The following GUCY1A1 variants were observed in gnomAD, a reference collection of about 807,000 sequenced individuals.
GUCY1A1 encodes guanylate cyclase 1 soluble subunit alpha 1.
Under a neutral mutation model 64.5 loss-of-function variants are expected in GUCY1A1, and 48 were observed. The ratio of observed to expected loss-of-function variants is 0.74; its 90% CI spans 0.59 to 0.95. GUCY1A1 has a LOEUF of 0.95. GUCY1A1 is among the 40% of genes least tolerant of loss of function. The pLI, the probability that GUCY1A1 is intolerant of heterozygous loss-of-function variation, is 0.00. For missense variants in GUCY1A1, 804 were observed against 825.3 expected, an observed-to-expected ratio of 0.97 and a Z score of 0.32; for synonymous variants, 308 against 303.4, an observed-to-expected ratio of 1.02 and a Z score of -0.16.
intron 8 of GUCY1A1, among the ~76,000 whole-genome samples, chr4:155,718,776 C>T (rs540995044): frequency 5.9e-5 from 9 of 152,226 alleles, no homozygotes; most frequent in South Asian, 4.1e-4. Flanking sequence ...GAAGACACAC[C>T]GCAACACTTC....
At chr4:155,703,803 T>C (rs1006771725) in intron 3 of GUCY1A1, 129 bp from the exon 4 acceptor site, 2 of 628,650 alleles carry the variant, frequency 3.2e-6, no homozygotes, top group Non-Finnish European at 5.7e-6. Flanking sequence ...TCATAACATT[T>C]ATCATTCAAG....
chr4:155,700,967 T>C (rs1432094258), intron 3 of GUCY1A1, among the ~76,000 whole-genome samples: 7 of 152,202 alleles, frequency 4.6e-5, no homozygotes, highest in Admixed American at 1.3e-4. Context: ...AAGTGGTTGA[T>C]TTTATGTTAT....
At chr4:155,669,819 G>A (rs558418582) in intron 2 of GUCY1A1, among the ~76,000 whole-genome samples, 69 of 152,178 alleles carry the variant, frequency 4.5e-4, no homozygotes, top group African/African-American at 1.6e-3. Context: ...CTATACAAGG[G>A]AAATTAAATC....
chr4:155,699,637 A>G (rs796499217), intron 3 of GUCY1A1, among the ~76,000 whole-genome samples: 64 of 152,318 alleles, frequency 4.2e-4, no homozygotes, highest in African/African-American at 1.5e-3. Context: ...TGAGCTGTGT[A>G]GTCCTCAATC....
chr4:155,711,011 C>T lies in GUCY1A1; in HGVS notation c.846C>T (p.Phe282=), dbSNP rs1342701917. The T allele has an allele frequency of 6.2e-7, 1 of 1,613,960 alleles. No homozygotes were observed. The highest frequency in any genetic ancestry group is 2.2e-5 in the East Asian group (1 of 44,876). The change falls in exon 6 of 10, where the codon TTC becomes TTT. Residue 282 remains phenylalanine, a synonymous_variant. Coordinates refer to ENST00000506455, the MANE Select transcript of GUCY1A1 (RefSeq NM_001130682.3). The part of the protein sequence containing the change: ...QSSLVIPTSL[F]CKTFPFHFMF... ...CGCTGGTGATTCCCACATCGCTATT[C>T]TGCAAGACATTTCCATTCCATTTCA...
Position 155,688,067 on chromosome 4 carries a change from C to CA in GUCY1A1, c.-112-8678dup, listed in dbSNP as rs937238185. Among the ~76,000 whole-genome samples the CA allele has an allele frequency of 2.7e-3, 398 of 144,868 alleles. 1 individual carries two copies. The highest frequency in any genetic ancestry group is 7.5e-3 in the African/African-American group (299 of 39,682). On this transcript the variant is annotated intron_variant, in intron 2 of 9. Transcript: ENST00000506455. ...TGAAACCCCGTCTCTACTAAAAATA[C>CA]AAAAAAAAAAATTAGCCTGGCGTGG...
intron 9 of GUCY1A1, among the ~76,000 whole-genome samples, chr4:155,725,569 T>A (rs1019732883): frequency 6.6e-6 from 1 of 152,138 alleles, no homozygotes; most frequent in African/African-American, 2.4e-5. Flanking sequence ...AACTGCTACA[T>A]ATAAAAAGCA....
rs1195232364 is a variant in GUCY1A1, at chr4:155,731,059, A to G, written c.*828A>G. ...TTATATCTTCTATTAAAATGCAGTA[A>G]TACTATTCAAATCTAATTTAGCTGG... is the stretch of plus-strand genomic sequence containing the variant. On this transcript the variant is annotated 3_prime_UTR_variant, in exon 10 of 10. Transcript: ENST00000506455. 1 of 153,308 alleles carries G rather than the reference A, an allele frequency of 6.5e-6. No individual in the cohort carries two copies. The highest frequency in any genetic ancestry group is 1.5e-5 in the Non-Finnish European group (1 of 67,840). The allele number at this position is 153,308 out of a possible 1,614,324, so 9.5% of individuals were successfully genotyped here. A position where few individuals can be genotyped will look rare whatever the true frequency, so the allele number is the denominator to read the frequency against.
chr4:155,729,838 A>G (rs1302410651), intron 9 of GUCY1A1, among the ~76,000 whole-genome samples, 192 bp from the exon 10 acceptor site: 2 of 151,704 alleles, frequency 1.3e-5, no homozygotes, highest in Non-Finnish European at 2.9e-5. Context: ...AATTGACACA[A>G]TTTTCTTGTT....
At chr4:155,668,302 T>A (rs1032423108) in intron 2 of GUCY1A1, 2 of 152,282 alleles carry the variant, frequency 1.3e-5, no homozygotes, top group African/African-American at 4.8e-5. Flanking sequence ...ATAAACAGTT[T>A]ACATCTTCTG....
At chr4:155,679,688 C>T (rs1373880744) in intron 2 of GUCY1A1, among the ~76,000 whole-genome samples, 1 of 152,198 alleles carries the variant, frequency 6.6e-6, no homozygotes, top group African/African-American at 2.4e-5. Context: ...TAGATTTCAA[C>T]ATAAAGTTTG....
intron 2 of GUCY1A1, among the ~76,000 whole-genome samples, chr4:155,693,675 A>T (rs1730047367): frequency 6.6e-6 from 1 of 152,186 alleles, no homozygotes; most frequent in African/African-American, 2.4e-5. Flanking sequence ...TAAACACTTA[A>T]CTATCTTAAA....
rs980859968 is a variant in GUCY1A1 at position 155,730,012 on chromosome 4, A to G, written c.1872-18A>G. The G allele has an allele frequency of 1.4e-6, 2 of 1,454,198 alleles. No homozygotes were observed. The highest frequency in any genetic ancestry group is 2.3e-5 in the South Asian group (2 of 87,518). 90.1% of individuals were successfully genotyped at this position (1,454,198 alleles called of 1,614,324 possible). On this transcript the variant is annotated intron_variant, in intron 9 of 9. Transcript: ENST00000506455. ...GTGGACAAACATTTATGTCAGTATT[A>G]TATTTTAATATTTTCAGATTACTCA... is the stretch of plus-strand genomic sequence containing the variant.
intron 2 of GUCY1A1, among the ~76,000 whole-genome samples, chr4:155,685,603 G>GTTTTTTTTTTT (rs70954055): frequency 1.5e-4 from 16 of 108,888 alleles, no homozygotes; most frequent in East Asian, 3.4e-4. Flanking sequence ...TTCTCCTTGT[G>GTTTTTTTTTTT]TTTTTTTTTT....
intron 6 of GUCY1A1, 140 bp downstream of exon 6, chr4:155,711,391 G>C: frequency 2.0e-6 from 1 of 503,716 alleles, no homozygotes; most frequent in Non-Finnish European, 3.4e-6. Flanking sequence ...TTGTAAAGCT[G>C]TAATAAACTG....
At position 155,712,021 on chromosome 4, in the gene GUCY1A1, A is replaced by T. The variant is rs1050208070; in HGVS notation, c.1086+770A>T. On this transcript the variant is annotated intron_variant, in intron 6 of 9. Coordinates refer to ENST00000506455, the MANE Select transcript of GUCY1A1 (RefSeq NM_001130682.3). Reference sequence around the variant, plus strand: ...TAAAACAAAAAAATGCTATTTTACAACTGCTTTTATCATGAAACAGTGTAT... The same window carrying T: ...TAAAACAAAAAAATGCTATTTTACATCTGCTTTTATCATGAAACAGTGTAT... Among the ~76,000 whole-genome samples, 76 of 152,324 alleles carry T rather than the reference A, an allele frequency of 5.0e-4. 1 individual carries two copies. Among genetic ancestry groups the T allele is most frequent in the Admixed American group, 4.4e-3 (67 of 15,296 alleles).
intron 2 of GUCY1A1, among the ~76,000 whole-genome samples, chr4:155,670,766 A>C (rs1417590852): frequency 6.6e-6 from 1 of 152,210 alleles, no homozygotes; most frequent in Non-Finnish European, 1.5e-5. Context: ...TCATTAAAAC[A>C]AATCCTCCAT....
intron 4 of GUCY1A1, among the ~76,000 whole-genome samples, chr4:155,706,328 T>C (rs1228830688): frequency 6.6e-6 from 1 of 152,204 alleles, no homozygotes; most frequent in East Asian, 1.9e-4. Context: ...GGTATCCTCT[T>C]GTTTAAAGAT....
rs1277737313 is a variant in GUCY1A1, at chr4:155,696,773, G to A, written c.-95G>A. On this transcript the variant is annotated 5_prime_UTR_variant, in exon 3 of 10. Transcript: ENST00000506455. ...GTCCATAGACATCCCAGTTACCAGT[G>A]TCCTTGAATTGATAGTGGCTTCTGT... is the stretch of plus-strand genomic sequence containing the variant. The A allele has an allele frequency of 1.7e-6, 2 of 1,157,682 alleles. No individual in the cohort carries two copies. The highest frequency in any genetic ancestry group is 2.5e-6 in the Non-Finnish European group (2 of 794,894). The allele number at this position is 1,157,682 out of a possible 1,614,324, so 71.7% of individuals were successfully genotyped here. A position where few individuals can be genotyped will look rare whatever the true frequency, so the allele number is the denominator to read the frequency against.
Sources: gnomAD v4.1 joint callset for allele counts (sites outside exome capture counted in the v4.1 genomes callset) on GRCh38, gnomAD v4.1.1 for gene constraint, MANE v1.5 for transcripts, NCBI Gene and HGNC (gene_info 2026-07-23, HGNC 2026-07-21) for gene names.